The following GRID2 variants were observed in gnomAD, a reference collection of about 807,000 sequenced individuals.
GRID2 encodes the protein glutamate receptor ionotropic, delta-2.
GRID2 carries 33 observed loss-of-function variants against 114.8 expected under a neutral mutation model. The ratio of observed to expected loss-of-function variants is 0.29; its 90% CI spans 0.22 to 0.38. The LOEUF (loss-of-function observed/expected upper bound fraction) is 0.38. Ranked by LOEUF, GRID2 falls within the 10% of genes least tolerant of loss-of-function variation. The pLI, the probability that GRID2 is intolerant of heterozygous loss-of-function variation, is 1.00. For missense variants in GRID2, 1,184 were observed against 1,257.7 expected (o/e 0.94, Z 0.89); for synonymous variants, 505 against 449.9 (o/e 1.12, Z -1.55).
chr4:93,528,667 T>C (rs758649937), intron 13 of GRID2, among the ~76,000 whole-genome samples: 10 of 152,052 alleles, frequency 6.6e-5, no homozygotes. Flanking sequence ...ATCCCACAAA[T>C]ATGGCTCATC....
chr4:92,915,134 T>C (rs1193230220), intron 2 of GRID2, among the ~76,000 whole-genome samples: 1 of 152,040 alleles, frequency 6.6e-6, no homozygotes, highest in Non-Finnish European at 1.5e-5. Context: ...GAGTCCCTTA[T>C]TAAACCATCA....
intron 8 of GRID2, among the ~76,000 whole-genome samples, chr4:93,345,400 A>T (rs1292533335): frequency 1.3e-5 from 2 of 152,024 alleles, no homozygotes; most frequent in Non-Finnish European, 2.9e-5. Context: ...AATATTAATG[A>T]TGTTGAGCGT....
intron 1 of GRID2, among the ~76,000 whole-genome samples, chr4:92,535,530 C>G (rs116726695): frequency 0.014 from 2,159 of 152,132 alleles, 48 homozygotes; most frequent in African/African-American, 0.049. Context: ...AGGTAGCACT[C>G]AAAACAGCTA....
At chr4:93,167,655 T>G (rs1306725251) in intron 4 of GRID2, among the ~76,000 whole-genome samples, 1 of 152,168 alleles carries the variant, frequency 6.6e-6, no homozygotes, top group African/African-American at 2.4e-5. Context: ...TAACACATAG[T>G]AACACATGTA....
chr4:92,541,586 A>G (rs568193740), intron 1 of GRID2, among the ~76,000 whole-genome samples: 1 of 152,246 alleles, frequency 6.6e-6, no homozygotes, highest in African/African-American at 2.4e-5. Flanking sequence ...CAAAATGAGG[A>G]TTAATACATG....
intron 2 of GRID2, among the ~76,000 whole-genome samples, chr4:92,927,768 TA>T (rs1470087503): frequency 1.3e-5 from 2 of 151,774 alleles, no homozygotes; most frequent in African/African-American, 2.4e-5. Flanking sequence ...CTTATGGAGA[TA>T]TTTACAAGCC....
At chr4:93,734,806 G>A (rs1730785403) in intron 14 of GRID2, among the ~76,000 whole-genome samples, 1 of 151,926 alleles carries the variant, frequency 6.6e-6, no homozygotes, top group Non-Finnish European at 1.5e-5. Context: ...TTTCAAAAGG[G>A]AACATTGCAC....
chr4:92,652,639 C>T lies in GRID2; in HGVS notation c.244+62353C>T, dbSNP rs1316603249. ...TGAGGCTGCAGTGAGCTGTCATTCC[C>T]TCCAAACTGAGTGACAGAGTGGAAC... is the stretch of plus-strand genomic sequence containing the variant. On this transcript the variant is annotated intron_variant, in intron 2 of 15. Transcript: ENST00000282020. Among the ~76,000 whole-genome samples the T allele has an allele frequency of 2.0e-5, 3 of 148,904 alleles. 1 individual carries two copies. In the East Asian group the frequency reaches 6.2e-4, roughly 31 times the overall value.
chr4:92,847,449 C>T (rs941346081), intron 2 of GRID2, among the ~76,000 whole-genome samples: 1 of 152,070 alleles, frequency 6.6e-6, no homozygotes, highest in East Asian at 1.9e-4. Flanking sequence ...GCCTCTCTAT[C>T]ACTGTCTTTC....
intron 2 of GRID2, among the ~76,000 whole-genome samples, chr4:92,799,331 C>T (rs1384202230): frequency 2.6e-5 from 4 of 152,022 alleles, no homozygotes; most frequent in Middle Eastern, 3.4e-3. Context: ...GGAGCCCAGG[C>T]GATAATACTG....
chr4:92,955,318 G>A (rs1397273109), intron 2 of GRID2, among the ~76,000 whole-genome samples: 1 of 151,580 alleles, frequency 6.6e-6, no homozygotes, highest in African/African-American at 2.4e-5. Context: ...CTAACTGGTG[G>A]GAGATGGTAT....
At chr4:92,406,962 T>C (rs1006578801) in intron 1 of GRID2, among the ~76,000 whole-genome samples, 1 of 151,864 alleles carries the variant, frequency 6.6e-6, no homozygotes, top group Admixed American at 6.6e-5. Flanking sequence ...GTAATTTATA[T>C]ATAAAAAAGG....
intron 1 of GRID2, among the ~76,000 whole-genome samples, chr4:92,444,935 T>C (rs1404391742): frequency 6.6e-6 from 1 of 152,188 alleles, no homozygotes; most frequent in African/African-American, 2.4e-5. Flanking sequence ...TGAGAAATTA[T>C]TGGCTTAACA....
intron 1 of GRID2, among the ~76,000 whole-genome samples, chr4:92,505,089 T>C (rs1189300352): frequency 6.6e-6 from 1 of 151,990 alleles, no homozygotes; most frequent in African/African-American, 2.4e-5. Context: ...TCTACAAAAC[T>C]TGAGAGCTTT....
chr4:92,865,347 A>G (rs569823007), intron 2 of GRID2, among the ~76,000 whole-genome samples: 24 of 152,254 alleles, frequency 1.6e-4, no homozygotes, highest in Non-Finnish European at 2.6e-4. Flanking sequence ...TTATTGAAGT[A>G]ATAAAATACA....
At chr4:93,054,956 C>T (rs1727083083) in intron 2 of GRID2, among the ~76,000 whole-genome samples, 2 of 151,716 alleles carry the variant, frequency 1.3e-5, no homozygotes, top group Middle Eastern at 6.8e-3. Context: ...CATTTTCAGC[C>T]TTTTTTACAC....
chr4:92,586,950 G>T (rs1379498131), intron 1 of GRID2, among the ~76,000 whole-genome samples: 1 of 151,808 alleles, frequency 6.6e-6, no homozygotes, highest in Non-Finnish European at 1.5e-5. Context: ...CCCATAAAAG[G>T]AACAGAATAT....
chr4:93,728,414 T>C (rs1163771174), intron 14 of GRID2, among the ~76,000 whole-genome samples: 1 of 152,164 alleles, frequency 6.6e-6, no homozygotes, highest in Non-Finnish European at 1.5e-5. Flanking sequence ...AACTATGTGG[T>C]CAATTTTGGA....
chr4:92,310,979 A>G (rs575938533), intron 1 of GRID2, among the ~76,000 whole-genome samples: 2 of 152,238 alleles, frequency 1.3e-5, no homozygotes, highest in African/African-American at 4.8e-5. Context: ...AGAATTATGT[A>G]CATTTCTTCA....
Sources: gnomAD v4.1 joint callset for allele counts (sites outside exome capture counted in the v4.1 genomes callset) on GRCh38, gnomAD v4.1.1 for gene constraint, MANE v1.5 for transcripts, NCBI Gene and HGNC (gene_info 2026-07-23, HGNC 2026-07-21) for gene names.